The following TENM3 variants were observed in gnomAD, a reference collection of about 807,000 sequenced individuals.
TENM3 encodes teneurin transmembrane protein 3, also known as teneurin-3.
Under a neutral mutation model 255.1 loss-of-function variants are expected in TENM3, and 63 were observed. The observed-to-expected ratio is 0.25, with a 90% confidence interval of 0.20 to 0.30. The LOEUF (loss-of-function observed/expected upper bound fraction) is 0.30. Ranked by LOEUF, TENM3 falls within the 10% of genes least tolerant of loss-of-function variation. The pLI is 1.00. For missense variants in TENM3, 2,929 were observed against 3,461.1 expected (o/e 0.85, Z 3.86); for synonymous variants, 1,306 against 1,322.3 (o/e 0.99, Z 0.27).
intron 1 of TENM3, among the ~76,000 whole-genome samples, chr4:182,322,990 G>A (rs894385789): frequency 6.6e-6 from 1 of 152,044 alleles, no homozygotes; most frequent in African/African-American, 2.4e-5. Flanking sequence ...TAAAGCCTTC[G>A]GGGTCCTTCA....
the TENM3 span, among the ~76,000 whole-genome samples, chr4:181,899,464 C>T: frequency 6.6e-6 from 1 of 152,008 alleles, no homozygotes; most frequent in Admixed American, 6.5e-5. Context: ...GAAAGAAAAC[C>T]AACAACAATT....
chr4:182,472,547 C>T (rs1249335021), intron 3 of TENM3, among the ~76,000 whole-genome samples: 2 of 152,116 alleles, frequency 1.3e-5, no homozygotes, highest in African/African-American at 2.4e-5. Flanking sequence ...TTGCCTCTTA[C>T]ATAGTGATCT....
chr4:182,055,251 G>A, the TENM3 span, among the ~76,000 whole-genome samples: 1 of 152,052 alleles, frequency 6.6e-6, no homozygotes, highest in African/African-American at 2.4e-5. Flanking sequence ...GGAGGCTAAG[G>A]CAGGAGGATT....
intron 3 of TENM3, among the ~76,000 whole-genome samples, chr4:182,512,091 T>G (rs2151724910): frequency 6.6e-6 from 1 of 152,240 alleles, no homozygotes; most frequent in East Asian, 1.9e-4. Context: ...ATAGTGAAAG[T>G]AAAGGAGGAT....
At chr4:181,807,531 T>G in the TENM3 span, among the ~76,000 whole-genome samples, 2 of 152,138 alleles carry the variant, frequency 1.3e-5, no homozygotes, top group Non-Finnish European at 2.9e-5. Flanking sequence ...TTTTGTATTT[T>G]TAGTAGAGAC....
At chr4:182,245,961 C>G (rs1324704604) in intron 1 of TENM3, among the ~76,000 whole-genome samples, 1 of 152,084 alleles carries the variant, frequency 6.6e-6, no homozygotes, top group African/African-American at 2.4e-5. Context: ...GGCGGGCGCT[C>G]CTGCTGGATC....
the TENM3 span, among the ~76,000 whole-genome samples, chr4:182,009,745 C>G: frequency 1.3e-5 from 2 of 152,332 alleles, no homozygotes; most frequent in Admixed American, 1.3e-4. Flanking sequence ...TGCCCCTCCC[C>G]CTGGGAGTTC....
intron 1 of TENM3, among the ~76,000 whole-genome samples, chr4:182,244,883 A>G (rs1757541382): frequency 6.6e-6 from 1 of 152,166 alleles, no homozygotes; most frequent in Non-Finnish European, 1.5e-5. Context: ...GCTATGCTTG[A>G]TGTTATTTAT....
At chr4:181,811,026 G>A in the TENM3 span, among the ~76,000 whole-genome samples, 7 of 152,172 alleles carry the variant, frequency 4.6e-5, no homozygotes, top group African/African-American at 9.7e-5. Flanking sequence ...GATTTTGGGA[G>A]GCTGGCAGAA....
At chr4:182,543,394 C>A (rs1258068866) in intron 3 of TENM3, among the ~76,000 whole-genome samples, 1 of 152,138 alleles carries the variant, frequency 6.6e-6, no homozygotes, top group African/African-American at 2.4e-5. Context: ...CTGGTAGGGT[C>A]ATTGCTTCTA....
rs570628773 is a variant in TENM3 at position 182,442,847 on chromosome 4, T to C, written c.511+95918T>C. Among the ~76,000 whole-genome samples the C allele has an allele frequency of 1.1e-3, 156 of 147,866 alleles. 1 individual carries two copies. Among genetic ancestry groups the C allele is most frequent in the African/African-American group, 3.7e-3 (148 of 39,906 alleles). On this transcript the variant is annotated intron_variant, in intron 3 of 27. Coordinates refer to ENST00000511685, the MANE Select transcript of TENM3 (RefSeq NM_001080477.4). ...ACATATATATACATACATACATATATACACACACACACACACACACACACA... is the reference window on the plus strand; with the variant it reads ...ACATATATATACATACATACATATACACACACACACACACACACACACACA...
rs114834514 is a variant in TENM3, at chr4:182,251,544, G to A, written c.-76+8068G>A. On this transcript the variant is annotated intron_variant, in intron 1 of 27. Coordinates refer to ENST00000511685, the MANE Select transcript of TENM3 (RefSeq NM_001080477.4). ...AAAGTGTGGGAGAAAATTAAATTAC[G>A]GCTATGCTTTTTCATACTAGGTGGG... is the stretch of plus-strand genomic sequence containing the variant. Among the ~76,000 whole-genome samples the A allele has an allele frequency of 5.5e-3, 843 of 152,230 alleles. 8 individuals carry two copies. The highest frequency in any genetic ancestry group is 0.019 in the African/African-American group (799 of 41,538).
In TENM3 at chr4:182,453,835, A is replaced by G. The variant is rs541093320; in HGVS notation, c.511+106906A>G. ...TTAACATTGTTAACCTTTTATAATTATCTAACCATTATTTCATTTTACCTC... is the reference window on the plus strand; with the variant it reads ...TTAACATTGTTAACCTTTTATAATTGTCTAACCATTATTTCATTTTACCTC... On this transcript the variant is annotated intron_variant, in intron 3 of 27. Transcript: ENST00000511685. Among the ~76,000 whole-genome samples the G allele has an allele frequency of 1.7e-4, 26 of 152,338 alleles. 1 individual carries two copies. The South Asian group carries it at 5.2e-3, about 30-fold the overall frequency.
intron 1 of TENM3, among the ~76,000 whole-genome samples, chr4:182,276,505 G>A (rs1177547403): frequency 3.3e-5 from 5 of 152,244 alleles, no homozygotes; most frequent in African/African-American, 9.6e-5. Context: ...GAGGACTTGC[G>A]GTGTTACACT....
the TENM3 span, among the ~76,000 whole-genome samples, chr4:181,995,425 T>A: frequency 1.1e-4 from 17 of 152,250 alleles, 1 homozygote; most frequent in African/African-American, 4.1e-4. Context: ...AATAGAACTG[T>A]GGGAAAATGT....
intron 19 of TENM3, among the ~76,000 whole-genome samples, chr4:182,751,391 G>A (rs2152748310): frequency 6.6e-6 from 1 of 152,328 alleles, no homozygotes; most frequent in Admixed American, 6.5e-5. Context: ...TACTTCACTG[G>A]AGAATTTGAT....
chr4:181,865,264 A>G, the TENM3 span, among the ~76,000 whole-genome samples: 1 of 152,188 alleles, frequency 6.6e-6, no homozygotes, highest in African/African-American at 2.4e-5. Flanking sequence ...TCATTCTATT[A>G]ATATATCTTT....
upstream of TENM3, chr4:182,144,550 G>C (rs1224553692): frequency 6.7e-6 from 1 of 150,004 alleles, no homozygotes; most frequent in Non-Finnish European, 1.5e-5. Flanking sequence ...CGCGCGGCCG[G>C]GGGCGGGCAG....
intron 1 of TENM3, among the ~76,000 whole-genome samples, chr4:182,226,055 G>GC (rs1212988199): frequency 6.6e-6 from 1 of 152,112 alleles, no homozygotes; most frequent in African/African-American, 2.4e-5. Context: ...ACTGTTCCTT[G>GC]TTTGTGAGTT....
Sources: gnomAD v4.1 joint callset for allele counts (sites outside exome capture counted in the v4.1 genomes callset) on GRCh38, gnomAD v4.1.1 for gene constraint, MANE v1.5 for transcripts, NCBI Gene and HGNC (gene_info 2026-07-23, HGNC 2026-07-21) for gene names.